Variants in LYST observed in about 807,000 individuals in gnomAD.
The protein encoded by LYST is lysosomal trafficking regulator.
LYST carries 192 observed loss-of-function variants against 413.6 expected under a neutral mutation model. The ratio of observed to expected loss-of-function variants is 0.46; its 90% CI spans 0.41 to 0.52. The LOEUF (loss-of-function observed/expected upper bound fraction) is 0.52, where lower values mean the gene tolerates loss of function less well. LYST is among the 20% of genes least tolerant of loss of function. The pLI, the probability that LYST is intolerant of heterozygous loss-of-function variation, is 0.00. For synonymous variants in LYST, 1,525 were observed against 1,567.3 expected, an observed-to-expected ratio of 0.97 and a Z score of 0.64; for missense variants, 3,815 against 4,499.9, an observed-to-expected ratio of 0.85 and a Z score of 4.35.
intron 50 of LYST, among the ~76,000 whole-genome samples, chr1:235,668,554 T>A (rs1317869781): frequency 6.6e-6 from 1 of 152,176 alleles, no homozygotes; most frequent in East Asian, 1.9e-4. Flanking sequence ...TACTAGTGAG[T>A]TGGTAATTGC....
chr1:235,785,888 T>G (rs545057955), intron 14 of LYST, among the ~76,000 whole-genome samples: 1 of 152,322 alleles, frequency 6.6e-6, no homozygotes, highest in African/African-American at 2.4e-5. Flanking sequence ...TTCCACAAGA[T>G]GTTTCTTATT....
chr1:235,754,229 CT>C lies in LYST; in HGVS notation c.7230-956del, dbSNP rs71576486. Among the ~76,000 whole-genome samples the C allele has an allele frequency of 4.6e-3, 402 of 86,566 alleles. 1 individual carries two copies. The highest frequency in any genetic ancestry group is 0.012 in the African/African-American group (324 of 27,778). The allele number at this position is 86,566 out of a possible 152,430, so 56.8% of individuals were successfully genotyped here. On this transcript the variant is annotated intron_variant, in intron 25 of 52. Coordinates refer to ENST00000389793, the MANE Select transcript of LYST (RefSeq NM_000081.4). ...GAGCTATCTTTTTTTCTTTTCTTTT[CT>C]TTTTTTTTTTTTTTTTTTTGAGATG...
chr1:235,677,344 TCTTACTAC>T (rs1659462040), intron 49 of LYST, 128 bp downstream of exon 49: 1 of 1,125,178 alleles, frequency 8.9e-7, no homozygotes, highest in Non-Finnish European at 1.3e-6. Flanking sequence ...TAATAGGTAA[TCTTACTAC>T]CTTTAAGCAT....
chr1:235,869,040 C>T (rs1341673506), upstream of LYST, among the ~76,000 whole-genome samples: 1 of 151,982 alleles, frequency 6.6e-6, no homozygotes, highest in Non-Finnish European at 1.5e-5. Context: ...GTATTTTATT[C>T]AATAGTATCT....
chr1:235,846,668 A>G (rs1677915073), intron 1 of LYST, among the ~76,000 whole-genome samples: 1 of 152,168 alleles, frequency 6.6e-6, no homozygotes, highest in African/African-American at 2.4e-5. Context: ...AATAGATAGC[A>G]TAAAGAAAAA....
At chr1:235,788,645 T>A in intron 13 of LYST, 56 bp downstream of exon 13, 2 of 1,533,718 alleles carry the variant, frequency 1.3e-6, no homozygotes, top group Non-Finnish European at 1.8e-6. Context: ...TAATGTCTCT[T>A]ACACAAATTA....
rs1666476615 is a variant in LYST at position 235,751,343 on chromosome 1, C to T, written c.7647G>A (p.Gln2549=). The T allele has an allele frequency of 1.9e-6, 3 of 1,613,626 alleles. No homozygotes were observed. Among genetic ancestry groups the T allele is most frequent in the Non-Finnish European group, 2.5e-6 (3 of 1,179,732 alleles). Residue 2549 remains glutamine (Q), a synonymous_variant, in exon 28 of 53, where the codon CAG becomes CAA. Coordinates refer to ENST00000389793, the MANE Select transcript of LYST (RefSeq NM_000081.4). The part of the protein sequence containing the change: ...KRTQNMAVAL[Q]LRVLQAAMEF... ...CCATAGCAGCCTGGAGAACTCTAAG[C>T]TGTAGTGCAACAGCCATATCTAAAA...
chr1:235,810,078 A>G lies in LYST; in HGVS notation c.740T>C (p.Ile247Thr), dbSNP rs1265221834. 3 of 1,613,964 alleles carry G rather than the reference A, an allele frequency of 1.9e-6. No individual in the cohort carries two copies. Among genetic ancestry groups the G allele is most frequent in the Admixed American group, 3.3e-5 (2 of 59,990 alleles). The stretch of plus-strand genomic sequence containing the variant: ...AAATGGAGAATTGTTCATGTTACTG[A>G]TAACAGACAAGGCAGCTGGCTCACT... ...ILSEPAALSVISNMNNSPFDL... is the reference protein window; with the variant it reads ...ILSEPAALSVTSNMNNSPFDL... Residue 247 changes from isoleucine (I) to threonine (T), a missense_variant, in exon 5 of 53, where the codon ATC (isoleucine) becomes ACC (threonine). Physicochemically the swap from Ile to Thr is moderately conservative, Grantham distance 89 (BLOSUM62 -1). This residue lies in a region of LYST where 1,648 missense variants were observed against 1,810.3 expected (regional missense o/e 0.91). Transcript: ENST00000389793.
At chr1:235,715,745 T>C (rs1341178260) in intron 41 of LYST, among the ~76,000 whole-genome samples, 1 of 152,112 alleles carries the variant, frequency 6.6e-6, no homozygotes, top group Non-Finnish European at 1.5e-5. Flanking sequence ...CAAGATGTAA[T>C]GCTATGCTGT....
intron 3 of LYST, among the ~76,000 whole-genome samples, chr1:235,814,278 T>G (rs749802560): frequency 3.9e-5 from 6 of 152,104 alleles, no homozygotes; most frequent in Non-Finnish European, 5.9e-5. Context: ...AAGACAGCTT[T>G]TTAGTAGACA....
Position 235,697,213 on chromosome 1 carries a change from A to G in LYST, c.10434T>C (p.Ala3478=). 6.2e-7 allele frequency: 1 copy of G among 1,614,168 alleles called. No individual in the cohort carries two copies. Residue 3478 remains alanine, a synonymous_variant, in exon 46 of 53, where the codon GCT becomes GCC. Coordinates refer to ENST00000389793, the MANE Select transcript of LYST (RefSeq NM_000081.4). ...GGCTGAAGCAGACCACAGGTACTGG[A>G]GCACTGGGGGAACCCACGTATTCCC... The part of the protein sequence containing the change: ...KWGEYVGSPS[A]PVPVVCFSQP...
At position 235,663,936 on chromosome 1, in the gene LYST, A is replaced by G. The variant is rs759658857; in HGVS notation, c.11267+48T>C. 9.0e-6 allele frequency: 13 copies of G among 1,440,890 alleles called. No individual in the cohort carries two copies. In the South Asian group the frequency reaches 1.3e-4, roughly 14 times the overall value. The allele number at this position is 1,440,890 out of a possible 1,614,324, so 89.3% of individuals were successfully genotyped here. A position where few individuals can be genotyped will look rare whatever the true frequency, so the allele number is the denominator to read the frequency against. ...GCTTAAATACCTCTCTACGAAAAAT[A>G]CAATCACAAATTGTATTCTGAAGCA... is the stretch of plus-strand genomic sequence containing the variant. On this transcript the variant is annotated intron_variant, in intron 52 of 52. Coordinates refer to ENST00000389793, the MANE Select transcript of LYST (RefSeq NM_000081.4).
intron 13 of LYST, among the ~76,000 whole-genome samples, chr1:235,787,805 G>C (rs962785789): frequency 6.6e-6 from 1 of 152,086 alleles, no homozygotes; most frequent in African/African-American, 2.4e-5. Context: ...AAGGCACCTA[G>C]TAATGTTTGT....
At chr1:235,673,113 T>C (rs1445474005) in intron 50 of LYST, among the ~76,000 whole-genome samples, 1 of 152,164 alleles carries the variant, frequency 6.6e-6, no homozygotes, top group Non-Finnish European at 1.5e-5. Context: ...GTAGACCCAT[T>C]ATACCCGAGT....
rs113145164 is a variant in LYST, at chr1:235,695,116, TC to T, written c.10565-1631del. On this transcript the variant is annotated intron_variant, in intron 46 of 52. Transcript: ENST00000389793. ...AGTGTATGTAGTAAACACTGACCTC[TC>T]CCAGACCCTAGGGTATTTACAGGCC... 4.1e-3 allele frequency among the ~76,000 whole-genome samples: 629 copies of T among 152,318 alleles called. 3 individuals are homozygous for T. Among genetic ancestry groups the T allele is most frequent in the African/African-American group, 0.014 (594 of 41,566 alleles).
Position 235,715,247 on chromosome 1 carries a change from G to A in LYST, c.9738C>T (p.Phe3246=), listed in dbSNP as rs763274434. ...TAGTGAAAGGAGGCATCCTGACCAG[G>A]AAGTGAAGCACAGTGCCGCTATTGG... ...HYSNSGTVLH[F]LVRMPPFTKM... is the part of the protein sequence containing the mutation. Residue 3246 remains phenylalanine, a synonymous_variant, in exon 42 of 53, where the codon TTC becomes TTT. Transcript: ENST00000389793. 57 of 1,613,934 alleles carry A rather than the reference G, an allele frequency of 3.5e-5. No homozygotes were observed. The highest frequency in any genetic ancestry group is 4.7e-5 in the Non-Finnish European group (55 of 1,179,976).
chr1:235,878,422 T>C (rs2103242132), intron 1 of LYST, among the ~76,000 whole-genome samples: 1 of 152,292 alleles, frequency 6.6e-6, no homozygotes, highest in East Asian at 1.9e-4. Flanking sequence ...CCACTCTCCC[T>C]GATTCCACCC....
chr1:235,742,570 TTATATA>T, intron 30 of LYST, among the ~76,000 whole-genome samples: 1 of 146,958 alleles, frequency 6.8e-6, no homozygotes, highest in East Asian at 2.0e-4. Flanking sequence ...AAATTTTATG[TTATATA>T]TATATATATA....
At chr1:235,778,308 T>G (rs571682548) in intron 16 of LYST, among the ~76,000 whole-genome samples, 13 of 151,672 alleles carry the variant, frequency 8.6e-5, no homozygotes, top group African/African-American at 3.2e-4. Context: ...AGGGAAATCA[T>G]ATAGATTCAG....
Sources: gnomAD v4.1 joint callset for allele counts (sites outside exome capture counted in the v4.1 genomes callset) on GRCh38, gnomAD v4.1.1 for gene constraint, gnomAD v4.1.1 regional missense constraint, MANE v1.5 for transcripts, NCBI Gene and HGNC (gene_info 2026-07-23, HGNC 2026-07-21) for gene names.